Variants in PGM2 observed in about 807,000 individuals in gnomAD.
The protein encoded by PGM2 is phosphoglucomutase 2.
In PGM2, 57 loss-of-function variants were observed where a neutral mutation model predicts 74.6. That is an observed-to-expected ratio of 0.76 (90% CI 0.62 to 0.95). The LOEUF (loss-of-function observed/expected upper bound fraction) is 0.95, where lower values mean the gene tolerates loss of function less well. Ranked by LOEUF, PGM2 falls within the 40% of genes least tolerant of loss-of-function variation. PGM2 has a pLI of 0.00. For missense variants in PGM2, 706 were observed against 741.9 expected (o/e 0.95, Z 0.56); for synonymous variants, 273 against 260.7 (o/e 1.05, Z -0.46).
chr4:37,850,955 C>T (rs1046981557), intron 12 of PGM2, among the ~76,000 whole-genome samples: 2 of 138,608 alleles, frequency 1.4e-5, no homozygotes, highest in African/African-American at 5.4e-5. Context: ...TGCACCACTA[C>T]ACTCTAGCCT....
At chr4:37,838,604 T>C (rs1035978468) in intron 4 of PGM2, among the ~76,000 whole-genome samples, 4 of 152,190 alleles carry the variant, frequency 2.6e-5, no homozygotes, top group Admixed American at 2.6e-4. Context: ...GTTTGCCGGC[T>C]CTAGTGCACT....
At chr4:37,842,969 T>C (rs532306292) in intron 6 of PGM2, among the ~76,000 whole-genome samples, 1 of 152,266 alleles carries the variant, frequency 6.6e-6, no homozygotes, top group Non-Finnish European at 1.5e-5. Context: ...GGTCAACATG[T>C]AATTTCATTT....
Position 37,860,427 on chromosome 4 carries a change from G to T in PGM2, c.1737-1083G>T, listed in dbSNP as rs947462390. Among the ~76,000 whole-genome samples, 73 of 152,202 alleles carry T rather than the reference G, an allele frequency of 4.8e-4. 3 individuals are homozygous for T. The highest frequency in any genetic ancestry group is 4.8e-3 in the Admixed American group (73 of 15,262). The stretch of plus-strand genomic sequence containing the variant: ...TCGCAATCTGTACAGAAACTCTCTT[G>T]AGAAGATAAAGTCTTTATCCCAATT... On this transcript the variant is annotated intron_variant, in intron 13 of 13. Transcript: ENST00000381967.
Position 37,839,873 on chromosome 4 carries a change from T to A in PGM2, c.467T>A (p.Leu156His), listed in dbSNP as rs1040387484. Residue 156 changes from leucine (L) to histidine (H), a missense_variant, in exon 5 of 14, where the codon CTT becomes CAT. By Grantham distance (99) the Leu-to-His change is moderately conservative (BLOSUM62 -3). Transcript: ENST00000381967. ...CCCTTCACAGTATCACATTTGAAACTTTGTGCTGGAATCATGATAACTGCA... is the reference window on the plus strand; with the variant it reads ...CCCTTCACAGTATCACATTTGAAACATTGTGCTGGAATCATGATAACTGCA... ...FVPFTVSHLK[L>H]CAGIMITASH... is the part of the protein sequence containing the mutation. 1 of 1,605,406 alleles carries A rather than the reference T, an allele frequency of 6.2e-7. No individual in the cohort carries two copies. The highest frequency in any genetic ancestry group is 2.2e-5 in the East Asian group (1 of 44,830).
intron 13 of PGM2, among the ~76,000 whole-genome samples, chr4:37,861,004 TG>T (rs1295009235): frequency 6.6e-6 from 1 of 152,134 alleles, no homozygotes; most frequent in Non-Finnish European, 1.5e-5. Context: ...GGCTCCCTAT[TG>T]CTGTTCATTC....
chr4:37,844,152 T>C (rs1257471786), intron 6 of PGM2, among the ~76,000 whole-genome samples: 3 of 152,064 alleles, frequency 2.0e-5, no homozygotes, highest in Admixed American at 1.3e-4. Flanking sequence ...CCTGAAATAA[T>C]CAGATTTGCT....
At position 37,847,025 on chromosome 4, in the gene PGM2, G is replaced by A. The variant is rs142630273; in HGVS notation, c.1102G>A (p.Ala368Thr). 72 of 1,613,306 alleles carry A rather than the reference G, an allele frequency of 4.5e-5. No individual in the cohort carries two copies. Among genetic ancestry groups the A allele is most frequent in the Non-Finnish European group, 5.8e-5 (68 of 1,179,402 alleles). Residue 368 changes from alanine to threonine, a missense_variant, in exon 9 of 14, where the codon GCT (alanine) becomes ACT (threonine). Physicochemically the swap from Ala to Thr is moderately conservative, Grantham distance 58. Transcript: ENST00000381967. Reference protein sequence around the residue: ...SWKEKNQDRSALKDTYMLSST... With the variant: ...SWKEKNQDRSTLKDTYMLSST... The stretch of plus-strand genomic sequence containing the variant: ...GAAAGAGAAGAACCAGGATCGCAGT[G>A]CTCTCAAAGACACGTACATGTTGTC...
chr4:37,841,072 G>GTATA (rs36127170), intron 6 of PGM2, among the ~76,000 whole-genome samples: 106 of 113,794 alleles, frequency 9.3e-4, no homozygotes, highest in Middle Eastern at 9.4e-3. Context: ...ATATGCAAGC[G>GTATA]TATATATATA....
intron 1 of PGM2, among the ~76,000 whole-genome samples, chr4:37,829,417 T>C (rs1052263180): frequency 4.6e-5 from 7 of 150,804 alleles, no homozygotes; most frequent in Non-Finnish European, 8.8e-5. Flanking sequence ...CTGGTATGAA[T>C]TATAAAACAT....
Position 37,845,697 on chromosome 4 carries a change from C to T in PGM2, c.974C>T (p.Ala325Val), listed in dbSNP as rs1408046291. The T allele has an allele frequency of 2.7e-5, 44 of 1,612,892 alleles. No homozygotes were observed. Among genetic ancestry groups the T allele is most frequent in the Non-Finnish European group, 3.6e-5 (42 of 1,179,028 alleles). Reference protein sequence around the residue: ...ARIVLANDPDADRLAVAEKQD... With the variant: ...ARIVLANDPDVDRLAVAEKQD... ...ATTGTTTTAGCTAACGACCCGGATGCTGATAGACTTGCTGTGGCAGAAAAG... is the reference window on the plus strand; with the variant it reads ...ATTGTTTTAGCTAACGACCCGGATGTTGATAGACTTGCTGTGGCAGAAAAG... Residue 325 changes from alanine (A) to valine (V), a missense_variant, in exon 8 of 14, where the codon GCT becomes GTT. Transcript: ENST00000381967.
At chr4:37,839,805 T>G (rs535112022) in intron 4 of PGM2, 43 bp from the exon 5 acceptor site, 1 of 1,123,658 alleles carries the variant, frequency 8.9e-7, no homozygotes, top group South Asian at 1.2e-5. Flanking sequence ...ATCTGGTTAT[T>G]TTCGTTAAAA....
At chr4:37,836,568 CTT>C (rs1181881129) in intron 3 of PGM2, among the ~76,000 whole-genome samples, 1 of 152,200 alleles carries the variant, frequency 6.6e-6, no homozygotes, top group African/African-American at 2.4e-5. Flanking sequence ...GCGATCTGCT[CTT>C]TGTGCCCCAG....
rs1182468777 is a variant in PGM2, at chr4:37,853,953, C to G, written c.1603-1655C>G. On this transcript the variant is annotated intron_variant, in intron 12 of 13. Transcript: ENST00000381967. ...ATGGTCTAAGAACTTCTTTCAAACC[C>G]TGTTCCTGCTTTCCACCCCTGCCTC... 3.9e-5 allele frequency among the ~76,000 whole-genome samples: 6 copies of G among 152,218 alleles called. No homozygotes were observed. In the East Asian group the frequency reaches 1.2e-3, roughly 29 times the overall value.
chr4:37,841,723 TGC>T (rs1725734734), intron 6 of PGM2, among the ~76,000 whole-genome samples: 1 of 152,250 alleles, frequency 6.6e-6, no homozygotes, highest in South Asian at 2.1e-4. Context: ...ACTTTCCCTC[TGC>T]CCCTCTGATT....
intron 3 of PGM2, among the ~76,000 whole-genome samples, chr4:37,836,622 G>T (rs1452358337): frequency 1.3e-5 from 2 of 152,204 alleles, no homozygotes; most frequent in Admixed American, 1.3e-4. Context: ...TGCCCAAGAA[G>T]TATTTGGGGA....
intron 12 of PGM2, among the ~76,000 whole-genome samples, chr4:37,854,915 CAAAT>C (rs1726153236): frequency 6.6e-6 from 1 of 152,006 alleles, no homozygotes; most frequent in Non-Finnish European, 1.5e-5. Context: ...TGTTAATTCA[CAAAT>C]AAAAATTGTA....
rs1475544435 is a variant in PGM2, at chr4:37,847,036, C to A, written c.1113C>A (p.Asp371Glu). ...EKNQDRSALKDTYMLSSTVSS... is the reference protein window; with the variant it reads ...EKNQDRSALKETYMLSSTVSS... ...ACCAGGATCGCAGTGCTCTCAAAGACACGTACATGTTGTCCAGCACCGTCT... is the reference window on the plus strand; with the variant it reads ...ACCAGGATCGCAGTGCTCTCAAAGAAACGTACATGTTGTCCAGCACCGTCT... Residue 371 changes from aspartate to glutamate, a missense_variant, in exon 9 of 14, where the codon GAC becomes GAA. Asp to Glu is a conservative substitution (Grantham distance 45). Coordinates refer to ENST00000381967, the MANE Select transcript of PGM2 (RefSeq NM_018290.4). The A allele has an allele frequency of 6.2e-7, 1 of 1,613,390 alleles. No individual in the cohort carries two copies. Among genetic ancestry groups the A allele is most frequent in the East Asian group, 2.2e-5 (1 of 44,880 alleles).
intron 6 of PGM2, among the ~76,000 whole-genome samples, chr4:37,841,200 G>A (rs1051465526): frequency 1.5e-5 from 2 of 130,462 alleles, no homozygotes; most frequent in African/African-American, 5.3e-5. Flanking sequence ...TTTGTTCTGT[G>A]CACTTTTCCC....
Position 37,846,912 on chromosome 4 carries a change from T to G in PGM2, c.1008-19T>G, listed in dbSNP as rs746512066. The G allele has an allele frequency of 2.0e-5, 31 of 1,537,830 alleles. No individual in the cohort carries two copies. The highest frequency in any genetic ancestry group is 1.4e-4 in the South Asian group (12 of 83,472). On this transcript the variant is annotated intron_variant, in intron 8 of 13. Transcript: ENST00000381967. The stretch of plus-strand genomic sequence containing the variant: ...GATTATGGAAATGAATGGTGGTTGT[T>G]GTTTTTTTTTTCTTTCAGTGGTGAA...
Sources: gnomAD v4.1 joint callset for allele counts (sites outside exome capture counted in the v4.1 genomes callset) on GRCh38, gnomAD v4.1.1 for gene constraint, MANE v1.5 for transcripts, NCBI Gene and HGNC (gene_info 2026-07-23, HGNC 2026-07-21) for gene names.